Variants in PTPRD observed in about 807,000 individuals in gnomAD.
PTPRD encodes receptor-type tyrosine-protein phosphatase delta.
In PTPRD, 34 loss-of-function variants were observed where a neutral mutation model predicts 214.5. The ratio of observed to expected loss-of-function variants is 0.16; its 90% CI spans 0.12 to 0.21. The LOEUF (loss-of-function observed/expected upper bound fraction) is 0.21. PTPRD is among the 10% of genes least tolerant of loss of function. PTPRD has a pLI of 1.00. For synonymous variants in PTPRD, 1,128 were observed against 845.7 expected (o/e 1.33, Z -5.79); for missense variants, 2,545 against 2,398.7 (o/e 1.06, Z -1.27).
rs180864765 is a variant in PTPRD at position 8,315,241 on chromosome 9, C to T, written c.*2633G>A. 1.9e-3 allele frequency: 453 copies of T among 232,668 alleles called. 1 individual carries two copies. The highest frequency in any genetic ancestry group is 3.8e-3 in the Middle Eastern group (3 of 782). 14.4% of individuals were successfully genotyped at this position (232,668 alleles called of 1,614,324 possible). On this transcript the variant is annotated 3_prime_UTR_variant, in exon 46 of 46. Transcript: ENST00000381196. Reference sequence around the variant, plus strand: ...GAACAGCTCCTGAACAGTAAGATTCCCGCAATAGTCTCCGCCTCGTTCGTC... The same window carrying T: ...GAACAGCTCCTGAACAGTAAGATTCTCGCAATAGTCTCCGCCTCGTTCGTC...
chr9:8,570,919 T>C (rs981157773), intron 14 of PTPRD, among the ~76,000 whole-genome samples: 14 of 151,854 alleles, frequency 9.2e-5, no homozygotes, highest in African/African-American at 2.9e-4. Context: ...GAGAGCGCTC[T>C]ACAAGGTACA....
intron 2 of PTPRD, among the ~76,000 whole-genome samples, chr9:10,570,002 T>C (rs1318182664): frequency 6.6e-6 from 1 of 152,136 alleles, no homozygotes; most frequent in Admixed American, 6.5e-5. Context: ...CTATTACTTA[T>C]ATATACTAAA....
At chr9:9,882,462 G>C (rs2069083836) in intron 5 of PTPRD, among the ~76,000 whole-genome samples, 1 of 152,108 alleles carries the variant, frequency 6.6e-6, no homozygotes, top group East Asian at 1.9e-4. Flanking sequence ...TTCTAGGCTT[G>C]AGGATGAAGG....
At chr9:9,504,849 A>G (rs1480252263) in intron 8 of PTPRD, among the ~76,000 whole-genome samples, 1 of 151,734 alleles carries the variant, frequency 6.6e-6, no homozygotes, top group Non-Finnish European at 1.5e-5. Context: ...ATATTTCTTT[A>G]CAAACTGTTC....
At chr9:9,891,195 T>A (rs28719869) in intron 5 of PTPRD, among the ~76,000 whole-genome samples, 1 of 152,134 alleles carries the variant, frequency 6.6e-6, no homozygotes, top group East Asian at 1.9e-4. Context: ...TCTCCTGTTC[T>A]CTTCTCCCAT....
At chr9:10,010,975 A>G (rs1051340879) in intron 4 of PTPRD, among the ~76,000 whole-genome samples, 1 of 152,000 alleles carries the variant, frequency 6.6e-6, no homozygotes, top group Non-Finnish European at 1.5e-5. Context: ...CAAGAAGCCA[A>G]TACCAAAGTA....
chr9:9,401,094 T>TA (rs1409913500), intron 8 of PTPRD, among the ~76,000 whole-genome samples: 1 of 151,972 alleles, frequency 6.6e-6, no homozygotes, highest in East Asian at 1.9e-4. Context: ...GTGGTAGGAA[T>TA]AAACAAGCTA....
intron 10 of PTPRD, chr9:9,090,894 C>G: frequency 7.7e-7 from 1 of 1,298,050 alleles, no homozygotes; most frequent in Non-Finnish European, 1.1e-6. Context: ...TCCGTGCCTC[C>G]AAGATGACAA....
At chr9:9,803,253 GA>G (rs570067434) in intron 5 of PTPRD, among the ~76,000 whole-genome samples, 1,543 of 114,152 alleles carry the variant, frequency 0.014, 18 homozygotes, top group African/African-American at 0.034. Context: ...TGATAAAAAA[GA>G]AAAAAAAAAA....
chr9:9,873,885 A>G (rs2066137748), intron 5 of PTPRD, among the ~76,000 whole-genome samples: 2 of 152,182 alleles, frequency 1.3e-5, no homozygotes, highest in Admixed American at 6.6e-5. Context: ...AAATCATTTT[A>G]ATGGGTTTTA....
At chr9:10,260,145 C>G (rs2154375066) in intron 3 of PTPRD, among the ~76,000 whole-genome samples, 1 of 152,206 alleles carries the variant, frequency 6.6e-6, no homozygotes, top group Non-Finnish European at 1.5e-5. Context: ...AACCATGTTC[C>G]CTGTGGTATT....
intron 3 of PTPRD, among the ~76,000 whole-genome samples, chr9:10,079,361 C>T (rs554785800): frequency 3.3e-5 from 5 of 152,188 alleles, no homozygotes; most frequent in South Asian, 4.2e-4. Flanking sequence ...AATGGTAATA[C>T]GCTTTTTAAA....
At chr9:9,954,038 G>T (rs982536385) in intron 4 of PTPRD, among the ~76,000 whole-genome samples, 37 of 151,868 alleles carry the variant, frequency 2.4e-4, no homozygotes, top group Non-Finnish European at 2.9e-5. Context: ...GGCTCATGCT[G>T]GTAATCCCAG....
intron 12 of PTPRD, among the ~76,000 whole-genome samples, chr9:8,651,408 A>G (rs1296771701): frequency 6.6e-6 from 1 of 152,192 alleles, no homozygotes; most frequent in African/African-American, 2.4e-5. Flanking sequence ...CTGTCCACAC[A>G]GAGAACTCAA....
At position 8,539,779 on chromosome 9, in the gene PTPRD, G is replaced by C. The variant is rs12341367; in HGVS notation, c.353-11000C>G. 1.2e-4 allele frequency among the ~76,000 whole-genome samples: 18 copies of C among 152,088 alleles called. No individual in the cohort carries two copies. The East Asian group carries it at 3.1e-3, about 26-fold the overall frequency. On this transcript the variant is annotated intron_variant, in intron 14 of 45. Transcript: ENST00000381196. ...CTTCAAAACTATCATGGTCAGAAAT[G>C]TCAAAGAAAGACTGAGGAACTCTTC...
chr9:10,019,863 G>A (rs894357319), intron 4 of PTPRD, among the ~76,000 whole-genome samples: 1 of 151,982 alleles, frequency 6.6e-6, no homozygotes, highest in Non-Finnish European at 1.5e-5. Flanking sequence ...CACCAACATG[G>A]CATATGTATA....
chr9:10,546,944 A>G (rs889929270), intron 2 of PTPRD, among the ~76,000 whole-genome samples: 2 of 152,098 alleles, frequency 1.3e-5, no homozygotes, highest in African/African-American at 4.8e-5. Context: ...CCAGCACTGT[A>G]CAGGTAAGAG....
intron 5 of PTPRD, among the ~76,000 whole-genome samples, chr9:9,892,909 GA>G (rs2153785626): frequency 6.6e-6 from 1 of 152,140 alleles, no homozygotes; most frequent in Non-Finnish European, 1.5e-5. Flanking sequence ...GTTTCAGTCT[GA>G]AAAAATAAAA....
At chr9:8,737,358 T>C (rs1170472671) in intron 11 of PTPRD, among the ~76,000 whole-genome samples, 1 of 152,168 alleles carries the variant, frequency 6.6e-6, no homozygotes, top group Non-Finnish European at 1.5e-5. Context: ...ACAGCAACAT[T>C]GCCAAAAGGG....
Sources: gnomAD v4.1 joint callset for allele counts (sites outside exome capture counted in the v4.1 genomes callset) on GRCh38, gnomAD v4.1.1 for gene constraint, MANE v1.5 for transcripts, NCBI Gene and HGNC (gene_info 2026-07-23, HGNC 2026-07-21) for gene names.